GORASP2: variants seen among roughly 807,000 people sequenced by gnomAD.
The protein encoded by GORASP2 is golgi reassembly stacking protein 2.
A neutral mutation model predicts 45.7 loss-of-function variants in GORASP2; 22 were observed. That is an observed-to-expected ratio of 0.48 (90% CI 0.34 to 0.69). The LOEUF (loss-of-function observed/expected upper bound fraction) is 0.69. GORASP2 is among the 30% of genes least tolerant of loss of function. The pLI is 0.01. For synonymous variants in GORASP2, 221 were observed against 215.6 expected, an observed-to-expected ratio of 1.02 and a Z score of -0.22; for missense variants, 491 against 562.7, an observed-to-expected ratio of 0.87 and a Z score of 1.29.
Position 170,949,534 on chromosome 2 carries a change from C to G in GORASP2, c.145-5C>G. ...CTAAGGAATGTGATTTCTATGTGTT[C>G]ACAGAATAAAGACAATGACACTCTT... On this transcript the variant is annotated splice_polypyrimidine_tract_variant and splice_region_variant and intron_variant, in intron 2 of 9. Transcript: ENST00000234160. The G allele has an allele frequency of 1.3e-5, 21 of 1,609,086 alleles. No individual in the cohort carries two copies. Among genetic ancestry groups the G allele is most frequent in the Non-Finnish European group, 1.8e-5 (21 of 1,175,732 alleles).
At position 170,966,506 on chromosome 2, in the gene GORASP2, TCA is replaced by T. The variant is rs1704691049; in HGVS notation, c.*380_*381del. The T allele has an allele frequency of 3.7e-6, 1 of 266,906 alleles. No homozygotes were observed. The highest frequency in any genetic ancestry group is 2.3e-5 in the African/African-American group (1 of 43,914). The allele number at this position is 266,906 out of a possible 1,614,324, so 16.5% of individuals were successfully genotyped here. On this transcript the variant is annotated 3_prime_UTR_variant, in exon 10 of 10. Transcript: ENST00000234160. ...AAATGAAATATTCTATGCCTAATAC[TCA>T]CACGCAACATTTCTTGTACTTTGTA...
intron 7 of GORASP2, among the ~76,000 whole-genome samples, chr2:170,958,668 TTTTTTTAA>T (rs1704482272): frequency 1.4e-5 from 1 of 73,842 alleles, no homozygotes; most frequent in Non-Finnish European, 3.3e-5. Flanking sequence ...TTTTTTTTTT[TTTTTTTAA>T]AAAAAAAAAA....
rs1704683727 is a variant in GORASP2, at chr2:170,966,133, T to G, written c.*3T>G. Reference sequence around the variant, plus strand: ...CCAATGCTTCTGAGTCACCTTAACTTTGAACCATTCTTTGGAATTGGCGTG... The same window carrying G: ...CCAATGCTTCTGAGTCACCTTAACTGTGAACCATTCTTTGGAATTGGCGTG... On this transcript the variant is annotated 3_prime_UTR_variant, in exon 10 of 10. Transcript: ENST00000234160. The G allele has an allele frequency of 6.2e-7, 1 of 1,606,010 alleles. No homozygotes were observed. Among genetic ancestry groups the G allele is most frequent in the Admixed American group, 1.7e-5 (1 of 59,998 alleles).
rs1191552208 is a variant in GORASP2 at position 170,959,879 on chromosome 2, T to TTA, written c.824-1784_824-1783insTA. On this transcript the variant is annotated intron_variant, in intron 7 of 9. Coordinates refer to ENST00000234160, the MANE Select transcript of GORASP2 (RefSeq NM_015530.5). Reference sequence around the variant, plus strand: ...CTCTGTCGCTCAGGCTGGAGTGCAGTGGTATGATCTTGGCTCACTGTAACC... The same window carrying TTA: ...CTCTGTCGCTCAGGCTGGAGTGCAGTTAGGTATGATCTTGGCTCACTGTAACC... 2.1e-5 allele frequency among the ~76,000 whole-genome samples: 3 copies of TTA among 143,676 alleles called. No individual in the cohort carries two copies. In the East Asian group the frequency reaches 6.3e-4, roughly 30 times the overall value. The allele number at this position is 143,676 out of a possible 152,430, so 94.3% of individuals were successfully genotyped here. A position where few individuals can be genotyped will look rare whatever the true frequency, so the allele number is the denominator to read the frequency against.
chr2:170,945,968 A>G (rs972899039), intron 1 of GORASP2, among the ~76,000 whole-genome samples: 3 of 152,186 alleles, frequency 2.0e-5, no homozygotes, highest in Admixed American at 1.3e-4. Context: ...AAGTCAACCT[A>G]TAAATATCAA....
chr2:170,950,743 A>G (rs1472263555), intron 4 of GORASP2, among the ~76,000 whole-genome samples: 1 of 152,208 alleles, frequency 6.6e-6, no homozygotes, highest in Non-Finnish European at 1.5e-5. Flanking sequence ...GCACTTTGGG[A>G]GGCCGAGATG....
chr2:170,939,763 C>T (rs1704031621), intron 1 of GORASP2, among the ~76,000 whole-genome samples: 1 of 152,162 alleles, frequency 6.6e-6, no homozygotes, highest in Non-Finnish European at 1.5e-5. Flanking sequence ...CTATAGCTCC[C>T]TCACCCTCCT....
At chr2:170,956,358 G>T in intron 6 of GORASP2, 78 bp from the exon 7 acceptor site, 2 of 1,282,842 alleles carry the variant, frequency 1.6e-6, no homozygotes, top group Non-Finnish European at 2.1e-6. Context: ...TATCTGCAGG[G>T]CAAGTAAGAG....
chr2:170,960,144 C>G (rs2105328175), intron 7 of GORASP2, among the ~76,000 whole-genome samples: 1 of 152,172 alleles, frequency 6.6e-6, no homozygotes, highest in East Asian at 1.9e-4. Flanking sequence ...ATTTTACATG[C>G]TATGTATTTT....
upstream of GORASP2, chr2:170,929,208 G>T (rs1372218026): frequency 3.3e-6 from 2 of 599,484 alleles, no homozygotes; most frequent in Admixed American, 4.4e-5. Context: ...ATCTCCCGGC[G>T]GGCTGTGCGG....
chr2:170,949,831 T>C, intron 3 of GORASP2, 89 bp downstream of exon 3: 1 of 1,141,276 alleles, frequency 8.8e-7, no homozygotes, highest in Non-Finnish European at 1.3e-6. Flanking sequence ...TTAATAAGAT[T>C]GTAAGGATAT....
intron 7 of GORASP2, 131 bp from the exon 8 acceptor site, chr2:170,961,532 C>T (rs1425251896): frequency 4.4e-6 from 3 of 687,046 alleles, no homozygotes; most frequent in East Asian, 2.6e-5. Context: ...CAGTCAGTTG[C>T]AGCTGGAAAT....
At position 170,965,918 on chromosome 2, in the gene GORASP2, C is replaced by T. The variant is rs1402504939; in HGVS notation, c.1147C>T (p.Leu383=). 6.2e-7 allele frequency: 1 copy of T among 1,613,942 alleles called. No individual in the cohort carries two copies. The highest frequency in any genetic ancestry group is 8.5e-7 in the Non-Finnish European group (1 of 1,179,898). Residue 383 remains leucine, a synonymous_variant, in exon 10 of 10, where the codon CTG becomes TTG. Transcript: ENST00000234160. ...CTCTTCTGCAGCAAGCTCAGGAGAG[C>T]TGCTGTCTTCCCTCCCGCCCACCAG... ...ESSSAASSGE[L]LSSLPPTSNA...
intron 1 of GORASP2, chr2:170,936,490 G>A: frequency 2.4e-6 from 1 of 411,888 alleles, no homozygotes; most frequent in Non-Finnish European, 4.7e-6. Context: ...AAAGTGTTGG[G>A]ATTACACTTA....
chr2:170,934,824 G>A (rs957154749), intron 1 of GORASP2, among the ~76,000 whole-genome samples: 8 of 151,756 alleles, frequency 5.3e-5, no homozygotes, highest in African/African-American at 1.9e-4. Context: ...TGCAACCTCC[G>A]CCTCCGAAGT....
rs906175329 is a variant in GORASP2 at position 170,966,397 on chromosome 2, C to T, written c.*267C>T. 8 of 507,012 alleles carry T rather than the reference C, an allele frequency of 1.6e-5. No individual in the cohort carries two copies. Among genetic ancestry groups the T allele is most frequent in the Non-Finnish European group, 2.8e-5 (8 of 281,554 alleles). 31.4% of individuals were successfully genotyped at this position (507,012 alleles called of 1,614,324 possible). A position where few individuals can be genotyped will look rare whatever the true frequency, so the allele number is the denominator to read the frequency against. ...TGGCTTGCTGCCAGGCTTGCACTGC[C>T]GTTCCTGGGGGTGTGCATCTTCGGG... On this transcript the variant is annotated 3_prime_UTR_variant, in exon 10 of 10. Coordinates refer to ENST00000234160, the MANE Select transcript of GORASP2 (RefSeq NM_015530.5).
chr2:170,964,017 C>T lies in GORASP2; in HGVS notation c.1018+1071C>T, dbSNP rs116422311. On this transcript the variant is annotated intron_variant, in intron 9 of 9. Coordinates refer to ENST00000234160, the MANE Select transcript of GORASP2 (RefSeq NM_015530.5). ...GAATATTCTCCATTATTTACAAATG[C>T]TTTTATACTCAAAACTATGGGAAAT... Among the ~76,000 whole-genome samples, 754 of 152,228 alleles carry T rather than the reference C, an allele frequency of 5.0e-3. 3 individuals are homozygous for T. Among genetic ancestry groups the T allele is most frequent in the African/African-American group, 0.014 (594 of 41,536 alleles).
intron 7 of GORASP2, among the ~76,000 whole-genome samples, 195 bp downstream of exon 7, chr2:170,956,754 A>T (rs1486272382): frequency 7.5e-6 from 1 of 134,140 alleles, no homozygotes; most frequent in Non-Finnish European, 1.6e-5. Context: ...AAAAAAAAAA[A>T]CTTTTTTTAA....
At chr2:170,929,699 T>C (rs564140569) in intron 1 of GORASP2, 1 of 614,186 alleles carries the variant, frequency 1.6e-6, no homozygotes, top group East Asian at 3.7e-5. Context: ...TTGCTCTTTT[T>C]CCGCACGGCC....
Sources: gnomAD v4.1 joint callset for allele counts (sites outside exome capture counted in the v4.1 genomes callset) on GRCh38, gnomAD v4.1.1 for gene constraint, MANE v1.5 for transcripts, NCBI Gene and HGNC (gene_info 2026-07-23, HGNC 2026-07-21) for gene names.